Variants in LRTM1 observed in about 807,000 individuals in gnomAD.
LRTM1 encodes leucine-rich repeat and transmembrane domain-containing protein 1.
In LRTM1, 38 loss-of-function variants were observed where a neutral mutation model predicts 32.4. That is an observed-to-expected ratio of 1.17 (90% CI 0.91 to 1.54). The LOEUF (loss-of-function observed/expected upper bound fraction) is 1.54, where lower values mean the gene tolerates loss of function less well. LRTM1 is among the 40% of genes most tolerant of loss of function. LRTM1 has a pLI of 0.00. For synonymous variants in LRTM1, 186 were observed against 169.9 expected, an observed-to-expected ratio of 1.09 and a Z score of -0.74; for missense variants, 466 against 415.4, an observed-to-expected ratio of 1.12 and a Z score of -1.06.
At chr3:54,943,208 A>AAG (rs1172325555) in intron 1 of LRTM1, among the ~76,000 whole-genome samples, 1 of 151,498 alleles carries the variant, frequency 6.6e-6, no homozygotes, top group East Asian at 1.9e-4. Context: ...TCTGGTAAAA[A>AAG]AAAAAAAAAT....
At chr3:54,965,634 A>G (rs1303775544) in intron 1 of LRTM1, among the ~76,000 whole-genome samples, 1 of 152,208 alleles carries the variant, frequency 6.6e-6, no homozygotes, top group Admixed American at 6.5e-5. Flanking sequence ...TGATCCATCA[A>G]TGAAATTGTG....
chr3:54,949,184 GT>G (rs1701692756), intron 1 of LRTM1, among the ~76,000 whole-genome samples: 1 of 152,152 alleles, frequency 6.6e-6, no homozygotes. Context: ...CCTTGATATA[GT>G]TTTGGTCAGT....
At chr3:54,939,069 A>G (rs1466466331) in intron 1 of LRTM1, among the ~76,000 whole-genome samples, 1 of 152,204 alleles carries the variant, frequency 6.6e-6, no homozygotes, top group Non-Finnish European at 1.5e-5. Context: ...ACTGTTATTT[A>G]GCAGTTTATT....
chr3:54,920,302 T>G (rs1108633), intron 2 of LRTM1, among the ~76,000 whole-genome samples: 17,197 of 152,248 alleles, frequency 0.11, 986 homozygotes, highest in Middle Eastern at 0.15. Flanking sequence ...ATAGGGCCTA[T>G]CTTGCAGTGC....
chr3:54,923,649 G>C (rs942385059), intron 2 of LRTM1, among the ~76,000 whole-genome samples: 3 of 152,226 alleles, frequency 2.0e-5, no homozygotes, highest in African/African-American at 7.2e-5. Context: ...CATACAAAAG[G>C]CACTCAAATA....
At chr3:54,955,591 A>G (rs115016314) in intron 1 of LRTM1, among the ~76,000 whole-genome samples, 2 of 152,188 alleles carry the variant, frequency 1.3e-5, no homozygotes, top group East Asian at 1.9e-4. Flanking sequence ...TCTAAGGTCT[A>G]TCAGCATGTC....
chr3:54,940,818 A>C (rs773582442), intron 1 of LRTM1, among the ~76,000 whole-genome samples: 1 of 152,188 alleles, frequency 6.6e-6, no homozygotes, highest in Non-Finnish European at 1.5e-5. Flanking sequence ...TCTGAAACCC[A>C]TATGCAAAAA....
At chr3:54,961,508 G>C (rs1340720556) in intron 1 of LRTM1, among the ~76,000 whole-genome samples, 1 of 152,144 alleles carries the variant, frequency 6.6e-6, no homozygotes, top group Non-Finnish European at 1.5e-5. Context: ...AATCTATTAG[G>C]AGAAAATCTT....
At chr3:54,928,292 C>CT (rs1298059609), upstream of LRTM1, among the ~76,000 whole-genome samples, 1 of 152,144 alleles carries the variant, frequency 6.6e-6, no homozygotes, top group Non-Finnish European at 1.5e-5. Context: ...GTGCCTCGGC[C>CT]TTTTTGATTA....
chr3:54,934,103 A>G (rs183436721), intron 1 of LRTM1, among the ~76,000 whole-genome samples: 1 of 152,346 alleles, frequency 6.6e-6, no homozygotes, highest in East Asian at 1.9e-4. Flanking sequence ...TACAAATTAC[A>G]AAACAGGGAC....
In LRTM1 at chr3:54,941,944, A is replaced by C. The variant is rs182496015; in HGVS notation, c.-221-16729T>G. 2.6e-4 allele frequency among the ~76,000 whole-genome samples: 39 copies of C among 152,346 alleles called. No individual in the cohort carries two copies. The Middle Eastern group carries it at 0.01, about 40-fold the overall frequency. On this transcript the variant is annotated intron_variant, in intron 1 of 2. Transcript: ENST00000493075. ...TAAACTTCAACCTCGTGAAATGGCA[A>C]TGACAGCTGCCTTTCAGTAAACCTA...
chr3:54,941,530 G>C (rs188352424), intron 1 of LRTM1, among the ~76,000 whole-genome samples: 2 of 152,110 alleles, frequency 1.3e-5, no homozygotes, highest in South Asian at 4.2e-4. Flanking sequence ...GGATTATGTG[G>C]GTGAGCAGTA....
chr3:54,928,224 G>A (rs1418090859), upstream of LRTM1: 7 of 413,370 alleles, frequency 1.7e-5, no homozygotes, highest in Non-Finnish European at 3.0e-5. Context: ...ACGATGAGCC[G>A]CGTAAAGAAT....
chr3:54,943,730 G>C (rs1363251030), intron 1 of LRTM1, among the ~76,000 whole-genome samples: 1 of 151,784 alleles, frequency 6.6e-6, no homozygotes, highest in Non-Finnish European at 1.5e-5. Flanking sequence ...ATTTCATCTT[G>C]CTTTGGTGAG....
chr3:54,936,152 G>A (rs151146849), intron 1 of LRTM1, among the ~76,000 whole-genome samples: 44 of 147,560 alleles, frequency 3.0e-4, no homozygotes, highest in African/African-American at 1.0e-3. Flanking sequence ...TTTTTATCAC[G>A]AGAATCATAG....
intron 1 of LRTM1, among the ~76,000 whole-genome samples, chr3:54,935,949 A>T (rs755474035): frequency 2.6e-5 from 4 of 152,200 alleles, no homozygotes; most frequent in Non-Finnish European, 5.9e-5. Flanking sequence ...TGTGAGTCCA[A>T]TCATTTCATT....
chr3:54,918,876 G>GCC lies in LRTM1; in HGVS notation c.619_620dup (p.Ile208AlafsTer49), dbSNP rs1331731006. 1 of 1,546,636 alleles carries GCC rather than the reference G, an allele frequency of 6.5e-7. No individual in the cohort carries two copies. The highest frequency in any genetic ancestry group is 8.7e-7 in the Non-Finnish European group (1 of 1,145,544). ...AGGTGTCTGGTGATTCACAGATGAT[G>GCC]CCGTCTGTTAGTCCCCCTTTAAAAA... On this transcript the variant is annotated frameshift_variant, in exon 3 of 3. Coordinates refer to ENST00000273286, the MANE Select transcript of LRTM1 (RefSeq NM_020678.4). LOFTEE classifies it high-confidence loss of function.
intron 1 of LRTM1, among the ~76,000 whole-genome samples, chr3:54,948,593 T>A (rs1049896394): frequency 6.6e-6 from 1 of 152,198 alleles, no homozygotes; most frequent in Non-Finnish European, 1.5e-5. Context: ...CCAGGCACAC[T>A]ATGCTGGAAG....
At chr3:54,950,059 G>A (rs958623035) in intron 1 of LRTM1, among the ~76,000 whole-genome samples, 4 of 152,130 alleles carry the variant, frequency 2.6e-5, no homozygotes, top group Non-Finnish European at 2.9e-5. Flanking sequence ...TGCATTTCAG[G>A]GCCATGCTAA....
Sources: gnomAD v4.1 joint callset for allele counts (sites outside exome capture counted in the v4.1 genomes callset) on GRCh38, gnomAD v4.1.1 for gene constraint, MANE v1.5 for transcripts, NCBI Gene and HGNC (gene_info 2026-07-23, HGNC 2026-07-21) for gene names.